The following LRRC7 variants were observed in gnomAD, a reference collection of about 807,000 sequenced individuals.
The protein encoded by LRRC7 is leucine rich repeat containing 7.
LRRC7 carries 23 observed loss-of-function variants against 175.7 expected under a neutral mutation model. That is an observed-to-expected ratio of 0.13 (90% CI 0.09 to 0.19). LRRC7 has a LOEUF of 0.19. Among genes scored for constraint, LRRC7 ranks in the 10% least tolerant of loss-of-function variants. LRRC7 has a pLI of 1.00. For synonymous variants in LRRC7, 685 were observed against 680.9 expected, an observed-to-expected ratio of 1.01 and a Z score of -0.09; for missense variants, 1,354 against 1,904.7, an observed-to-expected ratio of 0.71 and a Z score of 5.38.
intron 1 of LRRC7, among the ~76,000 whole-genome samples, chr1:69,637,920 T>C (rs1199792768): frequency 1.3e-5 from 2 of 151,804 alleles, no homozygotes; most frequent in African/African-American, 4.8e-5. Context: ...AATAGAAAGG[T>C]GACACATTTT....
chr1:70,089,852 T>C (rs747160710), intron 25 of LRRC7, 33 bp downstream of exon 25: 1 of 1,435,260 alleles, frequency 7.0e-7, no homozygotes, highest in South Asian at 1.2e-5. Context: ...ACAATATTAA[T>C]TAGAAAAATA....
chr1:70,042,725 A>G (rs1660015711), intron 21 of LRRC7, among the ~76,000 whole-genome samples: 1 of 152,202 alleles, frequency 6.6e-6, no homozygotes, highest in Non-Finnish European at 1.5e-5. Context: ...GAATTTTCCA[A>G]GTGCTAGATT....
rs749596038 is a variant in LRRC7, at chr1:69,936,905, CT to C, written c.711+5341del. ...TTGTTGCAAAGGAGATGATTTAGTTCTTTTTTAACACTGCGTAGTATACCAT... is the reference window on the plus strand; with the variant it reads ...TTGTTGCAAAGGAGATGATTTAGTTCTTTTTAACACTGCGTAGTATACCAT... On this transcript the variant is annotated intron_variant, in intron 8 of 26. Transcript: ENST00000651989. Among the ~76,000 whole-genome samples, 26 of 152,128 alleles carry C rather than the reference CT, an allele frequency of 1.7e-4. No homozygotes were observed. In the South Asian group the frequency reaches 2.9e-3, roughly 17 times the overall value.
intron 11 of LRRC7, among the ~76,000 whole-genome samples, chr1:69,999,022 C>G (rs1327875): frequency 0.027 from 4,139 of 152,318 alleles, 88 homozygotes; most frequent in Non-Finnish European, 0.041. Flanking sequence ...GAAGCTCTAA[C>G]TCTGTCTCCT....
intron 8 of LRRC7, among the ~76,000 whole-genome samples, chr1:69,965,674 G>T (rs905336889): frequency 6.6e-6 from 1 of 151,948 alleles, no homozygotes; most frequent in Non-Finnish European, 1.5e-5. Flanking sequence ...AAATGAATTT[G>T]AAAAACGTGA....
chr1:69,781,713 AAG>A (rs1180344542), intron 3 of LRRC7, among the ~76,000 whole-genome samples: 21 of 31,080 alleles, frequency 6.8e-4, no homozygotes, highest in Middle Eastern at 0.013. Flanking sequence ...GAAAGAAAGA[AAG>A]AAAGAAAGAA....
chr1:70,021,976 A>G (rs1043136575), intron 16 of LRRC7, among the ~76,000 whole-genome samples: 1 of 152,118 alleles, frequency 6.6e-6, no homozygotes, highest in Non-Finnish European at 1.5e-5. Context: ...TATGTGTTCT[A>G]TTAATAAAGC....
chr1:69,651,865 C>G (rs1196999300), intron 1 of LRRC7, among the ~76,000 whole-genome samples: 3 of 152,020 alleles, frequency 2.0e-5, no homozygotes, highest in Non-Finnish European at 4.4e-5. Context: ...ATTCAGAGCA[C>G]TGACAGAACT....
At chr1:69,746,727 A>C (rs1669297752) in intron 2 of LRRC7, among the ~76,000 whole-genome samples, 1 of 152,126 alleles carries the variant, frequency 6.6e-6, no homozygotes, top group South Asian at 2.1e-4. Flanking sequence ...ACAAGAAAAC[A>C]ATGGTAATAA....
At chr1:69,964,669 G>A (rs1145921) in intron 8 of LRRC7, among the ~76,000 whole-genome samples, 1,735 of 152,140 alleles carry the variant, frequency 0.011, 32 homozygotes, top group African/African-American at 0.04. Context: ...GATCTAATTG[G>A]GAAAAAGTCA....
chr1:69,911,150 C>G (rs147667905), intron 7 of LRRC7, among the ~76,000 whole-genome samples: 7,375 of 152,302 alleles, frequency 0.048, 226 homozygotes, highest in East Asian at 0.15. Context: ...TTGCGCTTCC[C>G]AAGTGAGGCA....
intron 1 of LRRC7, among the ~76,000 whole-genome samples, chr1:69,571,759 G>A (rs1412551349): frequency 6.6e-6 from 1 of 152,164 alleles, no homozygotes; most frequent in East Asian, 1.9e-4. Flanking sequence ...CACATTCCAC[G>A]AGATTATAAC....
intron 1 of LRRC7, chr1:69,606,810 T>C (rs904265561): frequency 7.2e-5 from 11 of 152,122 alleles, no homozygotes; most frequent in African/African-American, 2.4e-4. Context: ...AAAAGCATCA[T>C]TGCATTTGGT....
At chr1:69,681,102 G>A (rs1277841597) in intron 2 of LRRC7, among the ~76,000 whole-genome samples, 1 of 151,056 alleles carries the variant, frequency 6.6e-6, no homozygotes, top group Admixed American at 6.6e-5. Context: ...GCAAAGAAGA[G>A]GTTCTAAATA....
rs541815465 is a variant in LRRC7, at chr1:69,624,937, C to T, written c.3-53444C>T. On this transcript the variant is annotated intron_variant, in intron 1 of 26. Coordinates refer to ENST00000651989, the MANE Select transcript of LRRC7 (RefSeq NM_001370785.2). The stretch of plus-strand genomic sequence containing the variant: ...TTTATACCATTTGTGAGAATATTCT[C>T]TTTCCTTATTCTTCAATACTGTCAT... Among the ~76,000 whole-genome samples, 18 of 152,214 alleles carry T rather than the reference C, an allele frequency of 1.2e-4. No homozygotes were observed. The Middle Eastern group carries it at 0.017, about 144-fold the overall frequency.
chr1:69,969,947 G>A (rs537025482), intron 8 of LRRC7, among the ~76,000 whole-genome samples: 21 of 152,162 alleles, frequency 1.4e-4, no homozygotes, highest in African/African-American at 4.6e-4. Flanking sequence ...GACCACAGTG[G>A]AATTAAACTG....
intron 1 of LRRC7, among the ~76,000 whole-genome samples, chr1:69,642,472 T>C (rs964077558): frequency 6.6e-6 from 1 of 152,064 alleles, no homozygotes; most frequent in Non-Finnish European, 1.5e-5. Flanking sequence ...AGGAGATCTA[T>C]TATAGTAAAT....
At chr1:70,044,551 A>T (rs1004692280) in intron 22 of LRRC7, among the ~76,000 whole-genome samples, 1 of 152,204 alleles carries the variant, frequency 6.6e-6, no homozygotes, top group African/African-American at 2.4e-5. Context: ...AATTAGGAGA[A>T]TTAAGTAGCT....
chr1:70,070,048 C>T (rs573017468), intron 23 of LRRC7, among the ~76,000 whole-genome samples: 2 of 152,176 alleles, frequency 1.3e-5, no homozygotes, highest in South Asian at 2.1e-4. Flanking sequence ...GGCTAGAGTG[C>T]AGTGATGTGA....
Sources: gnomAD v4.1 joint callset for allele counts (sites outside exome capture counted in the v4.1 genomes callset) on GRCh38, gnomAD v4.1.1 for gene constraint, MANE v1.5 for transcripts, NCBI Gene and HGNC (gene_info 2026-07-23, HGNC 2026-07-21) for gene names.